The following EXTL1 variants were observed in gnomAD, a reference collection of about 807,000 sequenced individuals.
The protein encoded by EXTL1 is exostosin like glycosyltransferase 1.
In EXTL1, 43 loss-of-function variants were observed where a neutral mutation model predicts 64.6. That is an observed-to-expected ratio of 0.67 (90% CI 0.52 to 0.86). The LOEUF is 0.86. Among genes scored for constraint, EXTL1 ranks in the 40% least tolerant of loss-of-function variants. The pLI is 0.00. For synonymous variants in EXTL1, 352 were observed against 360.5 expected (o/e 0.98, Z 0.27); for missense variants, 766 against 879.0 (o/e 0.87, Z 1.62).
chr1:26,033,373 G>C lies in EXTL1; in HGVS notation c.1518+58G>C. ...GGTAGACACAGAGCCAGAGGGCCCT[G>C]GCAGCCCCTCAGGTTCCCAGGGTTG... On this transcript the variant is annotated intron_variant, in intron 8 of 10. Coordinates refer to ENST00000374280, the MANE Select transcript of EXTL1 (RefSeq NM_004455.3). This position sits in a 1 kb window ranked among gnomAD's most constrained non-coding sequence, Gnocchi z 5.1. The C allele has an allele frequency of 6.8e-7, 1 of 1,467,672 alleles. No individual in the cohort carries two copies. The highest frequency in any genetic ancestry group is 1.1e-5 in the South Asian group (1 of 88,158). The allele number at this position is 1,467,672 out of a possible 1,614,324, so 90.9% of individuals were successfully genotyped here. A position where few individuals can be genotyped will look rare whatever the true frequency, so the allele number is the denominator to read the frequency against.
Position 26,035,076 on chromosome 1 carries a change from T to G in EXTL1, c.1848+72T>G. ...GATGCCGGAGAGGATTCCCTCTCAC[T>G]GTCTAATTCCAGTCTTTCTTGCTGC... On this transcript the variant is annotated intron_variant, in intron 10 of 10. Transcript: ENST00000374280. The surrounding 1 kb of genome is among the most constrained non-coding windows in gnomAD (Gnocchi z 5.3). 1 of 1,594,948 alleles carries G rather than the reference T, an allele frequency of 6.3e-7. No homozygotes were observed. The highest frequency in any genetic ancestry group is 8.6e-7 in the Non-Finnish European group (1 of 1,166,276).
chr1:26,029,831 T>C (rs2050262914), intron 3 of EXTL1, 124 bp downstream of exon 3: 3 of 647,292 alleles, frequency 4.6e-6, no homozygotes, highest in Non-Finnish European at 8.4e-6. Context: ...CTGGTGAATT[T>C]CTCCTAGCAC....
At chr1:26,032,958 G>T (rs2050303972) in intron 7 of EXTL1, among the ~76,000 whole-genome samples, 4 of 152,190 alleles carry the variant, frequency 2.6e-5, no homozygotes, top group African/African-American at 7.2e-5. Context: ...GGAATTCCAA[G>T]ATGTCAAAAG....
rs753387725 is a variant in EXTL1 at position 26,031,537 on chromosome 1, G to A, written c.1312G>A (p.Ala438Thr). ...CCAGCCCCCTCTGAAGCTCATCCAG[G>A]CGGTGGCAGGCTCCCAGCACTGTGC... ...PGQPPLKLIQ[A>T]VAGSQHCAQI... The change falls in exon 6 of 11, where the codon GCG becomes ACG. Residue 438 changes from alanine to threonine, a missense_variant. Physicochemically the swap from Ala to Thr is moderately conservative, Grantham distance 58. Around this residue, in one of 3 missense-constraint regions of EXTL1, gnomAD observed 571 missense variants for 647.6 expected, o/e 0.88. Transcript: ENST00000374280. The A allele has an allele frequency of 1.9e-6, 3 of 1,597,806 alleles. No homozygotes were observed. In the African/African-American group the frequency reaches 4.0e-5, roughly 21 times the overall value.
At chr1:26,032,885 T>G (rs1488554814) in intron 7 of EXTL1, among the ~76,000 whole-genome samples, 1 of 152,170 alleles carries the variant, frequency 6.6e-6, no homozygotes, top group Non-Finnish European at 1.5e-5. Context: ...CTAGATCTGT[T>G]TCTTTCAAAT....
At position 26,035,584 on chromosome 1, in the gene EXTL1, C is replaced by G. The variant is rs2050331939; in HGVS notation, c.*237C>G. On this transcript the variant is annotated 3_prime_UTR_variant, in exon 11 of 11. Coordinates refer to ENST00000374280, the MANE Select transcript of EXTL1 (RefSeq NM_004455.3). This position sits in a 1 kb window ranked among gnomAD's most constrained non-coding sequence, Gnocchi z 5.3. ...AGCCCCGCGACCGGAGCGCCGCTCT[C>G]CGCTTCTCCACCCAGCTAACTTCTG... The G allele has an allele frequency of 2.2e-6, 1 of 448,456 alleles. No individual in the cohort carries two copies. Among genetic ancestry groups the G allele is most frequent in the Non-Finnish European group, 4.0e-6 (1 of 251,842 alleles). The allele number at this position is 448,456 out of a possible 1,614,324, so 27.8% of individuals were successfully genotyped here.
intron 6 of EXTL1, among the ~76,000 whole-genome samples, chr1:26,031,959 TA>T (rs2050291760): frequency 6.6e-6 from 1 of 152,088 alleles, no homozygotes; most frequent in Admixed American, 6.5e-5. Context: ...AGAAGCCAGA[TA>T]GATTAATAAG....
Position 26,023,041 on chromosome 1 carries a change from G to GCCTCCT in EXTL1, c.406_411dup (p.Leu136_Leu137dup). The GCCTCCT allele has an allele frequency of 1.2e-6, 2 of 1,613,602 alleles. No homozygotes were observed. The highest frequency in any genetic ancestry group is 1.1e-5 in the South Asian group (1 of 91,008). On this transcript the variant is annotated inframe_insertion, in exon 1 of 11. Transcript: ENST00000374280. ...TACACATTCAGCCCTGCTGGGGCCT[G>GCCTCCT]CCTCCTCCTCCTCCTCAGCCTGGAC...
chr1:26,035,415 C>T lies in EXTL1; in HGVS notation c.*68C>T, dbSNP rs187512480. ...TCCCAGGGGGCCCGGCGCCTGCCGG[C>T]GGGCTCCGCTCTTGGGACACCGGAG... On this transcript the variant is annotated 3_prime_UTR_variant, in exon 11 of 11. Coordinates refer to ENST00000374280, the MANE Select transcript of EXTL1 (RefSeq NM_004455.3). This position sits in a 1 kb window ranked among gnomAD's most constrained non-coding sequence, Gnocchi z 5.3. 160 of 1,434,818 alleles carry T rather than the reference C, an allele frequency of 1.1e-4. No homozygotes were observed. In the African/African-American group the frequency reaches 1.7e-3, roughly 15 times the overall value. The allele number at this position is 1,434,818 out of a possible 1,614,324, so 88.9% of individuals were successfully genotyped here.
Position 26,022,798 on chromosome 1 carries a change from ATGCAGAGCTCC to A in EXTL1, c.162_172del (p.Gln56ProfsTer28). ...TCCCAAGGCTGGCCCCGCTGGCTGG[ATGCAGAGCTCC>A]TGCAGAGCTTCTCCCAGCCTGGAGA... On this transcript the variant is annotated frameshift_variant, in exon 1 of 11. Coordinates refer to ENST00000374280, the MANE Select transcript of EXTL1 (RefSeq NM_004455.3). LOFTEE classifies it high-confidence loss of function. 6.2e-7 allele frequency: 1 copy of A among 1,614,026 alleles called. No individual in the cohort carries two copies. The highest frequency in any genetic ancestry group is 8.5e-7 in the Non-Finnish European group (1 of 1,179,990).
chr1:26,031,337 G>C, intron 5 of EXTL1, 73 bp downstream of exon 5: 1 of 1,553,678 alleles, frequency 6.4e-7, no homozygotes, highest in East Asian at 2.3e-5. Flanking sequence ...CATCTGGAGA[G>C]CCCCACCAAG....
rs1343727919 is a variant in EXTL1 at position 26,034,276 on chromosome 1, G to A, written c.1679+420G>A. On this transcript the variant is annotated intron_variant, in intron 9 of 10. Transcript: ENST00000374280. This position sits in a 1 kb window ranked among gnomAD's most constrained non-coding sequence, Gnocchi z 4.6. ...TTCCAGAAGCTGCCTGAAGTGCTCCGGTCTTAGGGCAGAGACTGAATTCTG... is the reference window on the plus strand; with the variant it reads ...TTCCAGAAGCTGCCTGAAGTGCTCCAGTCTTAGGGCAGAGACTGAATTCTG... 2.0e-5 allele frequency among the ~76,000 whole-genome samples: 3 copies of A among 152,182 alleles called. No individual in the cohort carries two copies. Among genetic ancestry groups the A allele is most frequent in the African/African-American group, 4.8e-5 (2 of 41,430 alleles).
Position 26,022,437 on chromosome 1 carries a change from C to T in EXTL1, c.-210C>T, listed in dbSNP as rs1051714698. ...GGGGGCCAGGCCAGCAAGCTGGGTC[C>T]CACCTGGCCTCCTCCTGCCTGGCTG... On this transcript the variant is annotated 5_prime_UTR_variant, in exon 1 of 11. Transcript: ENST00000374280. 1 of 514,068 alleles carries T rather than the reference C, an allele frequency of 1.9e-6. No homozygotes were observed. Among genetic ancestry groups the T allele is most frequent in the Non-Finnish European group, 3.5e-6 (1 of 288,700 alleles). 31.8% of individuals were successfully genotyped at this position (514,068 alleles called of 1,614,324 possible).
At position 26,035,315 on chromosome 1, in the gene EXTL1, C is replaced by A; in HGVS notation, c.1999C>A (p.Arg667Ser). ...GTTTAAGGACCCGGTGTCCGTGCAG[C>A]GCAAGAAGTACCGCAGCCTGGAGAA... ...VLFKDPVSVQ[R>S]KKYRSLEKP Residue 667 changes from arginine (R) to serine (S), a missense_variant, in exon 11 of 11, where the codon CGC becomes AGC. Physicochemically the swap from Arg to Ser is moderately radical, Grantham distance 110 (BLOSUM62 -1). Around this residue, in one of 3 missense-constraint regions of EXTL1, gnomAD observed 194 missense variants for 214.5 expected, o/e 0.90. Transcript: ENST00000374280. This position sits in a 1 kb window ranked among gnomAD's most constrained non-coding sequence, Gnocchi z 5.3. 1 of 1,612,094 alleles carries A rather than the reference C, an allele frequency of 6.2e-7. No homozygotes were observed. The highest frequency in any genetic ancestry group is 8.5e-7 in the Non-Finnish European group (1 of 1,179,008).
intron 7 of EXTL1, among the ~76,000 whole-genome samples, chr1:26,032,694 G>A (rs1456356993): frequency 6.6e-6 from 1 of 152,234 alleles, no homozygotes; most frequent in Non-Finnish European, 1.5e-5. Flanking sequence ...GGGCTTACAT[G>A]ATGGGGAAAG....
chr1:26,035,047 C>G lies in EXTL1; in HGVS notation c.1848+43C>G. ...TTGGTCGGAACTGGCAGGGATTGGG[C>G]GGGGATGCCGGAGAGGATTCCCTCT... On this transcript the variant is annotated intron_variant, in intron 10 of 10. Transcript: ENST00000374280. This position sits in a 1 kb window ranked among gnomAD's most constrained non-coding sequence, Gnocchi z 5.3. 3 of 1,607,096 alleles carry G rather than the reference C, an allele frequency of 1.9e-6. No individual in the cohort carries two copies. Among genetic ancestry groups the G allele is most frequent in the Non-Finnish European group, 2.6e-6 (3 of 1,174,982 alleles).
Position 26,036,179 on chromosome 1 carries a change from G to A in EXTL1, c.*832G>A, listed in dbSNP as rs1053813019. On this transcript the variant is annotated 3_prime_UTR_variant, in exon 11 of 11. Transcript: ENST00000374280. The surrounding 1 kb of genome is among the most constrained non-coding windows in gnomAD (Gnocchi z 5.2). ...CACTCTTCACCCGCATGTCCAGAGG[G>A]CGGCCGGGATGTGGAGGGTGAGCGC... The A allele has an allele frequency of 4.6e-5, 7 of 152,788 alleles. No homozygotes were observed. Among genetic ancestry groups the A allele is most frequent in the Admixed American group, 6.5e-5 (1 of 15,288 alleles). 9.5% of individuals were successfully genotyped at this position (152,788 alleles called of 1,614,324 possible). A position where few individuals can be genotyped will look rare whatever the true frequency, so the allele number is the denominator to read the frequency against.
At chr1:26,023,719 C>T (rs1157946577) in intron 1 of EXTL1, among the ~76,000 whole-genome samples, 1 of 152,044 alleles carries the variant, frequency 6.6e-6, no homozygotes, top group Non-Finnish European at 1.5e-5. Context: ...TTTTTTTCCC[C>T]ACATACAGTT....
At chr1:26,031,005 C>T in intron 4 of EXTL1, 127 bp from the exon 5 acceptor site, 1 of 1,169,036 alleles carries the variant, frequency 8.6e-7, no homozygotes, top group Non-Finnish European at 1.3e-6. Context: ...GTGCCCCCTA[C>T]TCTAGACTCA....
Sources: gnomAD v4.1 joint callset for allele counts (sites outside exome capture counted in the v4.1 genomes callset) on GRCh38, gnomAD v4.1.1 for gene constraint, gnomAD v4.1.1 regional missense constraint, Gnocchi (gnomAD v3.1) non-coding constraint, MANE v1.5 for transcripts, NCBI Gene and HGNC (gene_info 2026-07-23, HGNC 2026-07-21) for gene names.